ABRACL: variants seen among roughly 807,000 people sequenced by gnomAD.
ABRACL encodes the protein ABRA C-terminal like.
A neutral mutation model predicts 7.0 loss-of-function variants in ABRACL; 4 were observed. The observed-to-expected ratio is 0.57, with a 90% CI of 0.28 to 1.30. ABRACL has a LOEUF of 1.30. Ranked by LOEUF, ABRACL falls within the 50% of genes most tolerant of loss-of-function variation. The pLI is 0.10. For synonymous variants in ABRACL, 30 were observed against 36.0 expected, an observed-to-expected ratio of 0.83 and a Z score of 0.60; for missense variants, 104 against 97.3, an observed-to-expected ratio of 1.07 and a Z score of -0.29.
chr6:139,029,957 C>G (rs1280334716), intron 1 of ABRACL, among the ~76,000 whole-genome samples: 3 of 152,098 alleles, frequency 2.0e-5, no homozygotes, highest in African/African-American at 7.2e-5. Context: ...TGGTGAGTTT[C>G]GGGTTCTGCC....
chr6:139,037,747 G>A (rs1160360236), intron 2 of ABRACL, among the ~76,000 whole-genome samples: 1 of 150,804 alleles, frequency 6.6e-6, no homozygotes, highest in Non-Finnish European at 1.5e-5. Context: ...GTTACTCTTG[G>A]CAGCATTATT....
chr6:139,039,172 C>T (rs1271926357), intron 2 of ABRACL, among the ~76,000 whole-genome samples: 2 of 151,900 alleles, frequency 1.3e-5, no homozygotes, highest in Admixed American at 6.6e-5. Context: ...TTGCAGTGAG[C>T]CGAGACCACA....
At chr6:139,034,828 A>T (rs909346889) in intron 2 of ABRACL, among the ~76,000 whole-genome samples, 1 of 152,234 alleles carries the variant, frequency 6.6e-6, no homozygotes, top group Non-Finnish European at 1.5e-5. Flanking sequence ...CCTTGAAGAT[A>T]GTGACATGCA....
chr6:139,043,028 T>A lies in ABRACL; in HGVS notation c.*125T>A. 1.3e-6 allele frequency: 1 copy of A among 782,160 alleles called. No homozygotes were observed. Among genetic ancestry groups the A allele is most frequent in the Admixed American group, 3.2e-5 (1 of 31,264 alleles). 48.5% of individuals were successfully genotyped at this position (782,160 alleles called of 1,614,324 possible). Reference sequence around the variant, plus strand: ...TAGAACTTTGTAAACGAAAGGAGATTCATGTTTTAGAAGTCTGTCCTTTTT... The same window carrying A: ...TAGAACTTTGTAAACGAAAGGAGATACATGTTTTAGAAGTCTGTCCTTTTT... On this transcript the variant is annotated 3_prime_UTR_variant, in exon 3 of 3. Coordinates refer to ENST00000367660, the MANE Select transcript of ABRACL (RefSeq NM_021243.3).
In ABRACL at chr6:139,039,575, A is replaced by T. The variant is rs575450668; in HGVS notation, c.62-3144A>T. Among the ~76,000 whole-genome samples the T allele has an allele frequency of 2.8e-3, 420 of 152,346 alleles. 1 individual carries two copies. Among genetic ancestry groups the T allele is most frequent in the Non-Finnish European group, 3.5e-3 (237 of 68,034 alleles). ...TTGAATTCATTCCTGAAGAAAAAGAATTTAGCTAGGAAGAAGTTTCTGGGT... is the reference window on the plus strand; with the variant it reads ...TTGAATTCATTCCTGAAGAAAAAGATTTTAGCTAGGAAGAAGTTTCTGGGT... On this transcript the variant is annotated intron_variant, in intron 2 of 2. Coordinates refer to ENST00000367660, the MANE Select transcript of ABRACL (RefSeq NM_021243.3).
chr6:139,038,891 A>C (rs768010471), intron 2 of ABRACL, among the ~76,000 whole-genome samples: 1 of 152,206 alleles, frequency 6.6e-6, no homozygotes, highest in East Asian at 1.9e-4. Flanking sequence ...GTAAAACAAT[A>C]ATACTCTATT....
At chr6:139,037,777 CT>C (rs35731074) in intron 2 of ABRACL, among the ~76,000 whole-genome samples, 59,107 of 135,922 alleles carry the variant, frequency 0.43, 13,176 homozygotes, top group East Asian at 0.89. Flanking sequence ...TTCTTTTTCT[CT>C]TTTTTTTTTT....
At chr6:139,040,912 T>C (rs771833684) in intron 2 of ABRACL, among the ~76,000 whole-genome samples, 2 of 152,216 alleles carry the variant, frequency 1.3e-5, no homozygotes, top group African/African-American at 4.8e-5. Flanking sequence ...TGATACTCAG[T>C]GTGTGCTAGG....
intron 2 of ABRACL, among the ~76,000 whole-genome samples, chr6:139,040,909 C>T (rs916835793): frequency 1.3e-5 from 2 of 152,180 alleles, no homozygotes; most frequent in South Asian, 2.1e-4. Flanking sequence ...TGCTGATACT[C>T]AGTGTGTGCT....
intron 2 of ABRACL, among the ~76,000 whole-genome samples, chr6:139,041,135 A>C (rs75033259): frequency 0.012 from 1,821 of 152,340 alleles, 11 homozygotes; most frequent in Non-Finnish European, 0.019. Context: ...GAGGAAAAAG[A>C]AAAAAGCTCC....
At chr6:139,042,643 A>G in intron 2 of ABRACL, 76 bp from the exon 3 acceptor site, 1 of 1,381,216 alleles carries the variant, frequency 7.2e-7, no homozygotes, top group East Asian at 2.3e-5. Context: ...AATTTATTAA[A>G]GATTTTGTAA....
rs1786271893 is a variant in ABRACL at position 139,042,770 on chromosome 6, A to AATG, written c.114_116dup (p.Lys38_Cys39insTer). ...TTTGGGGTCCTCTTCCGTGATGATA[A>AATG]ATGTGCCAACCTCTTTGAAGCATTG... On this transcript the variant is annotated stop_gained and inframe_insertion, in exon 3 of 3. Transcript: ENST00000367660. LOFTEE classifies it high-confidence loss of function. 1 of 1,613,616 alleles carries AATG rather than the reference A, an allele frequency of 6.2e-7. No individual in the cohort carries two copies. Among genetic ancestry groups the AATG allele is most frequent in the Admixed American group, 1.7e-5 (1 of 59,890 alleles).
intron 2 of ABRACL, among the ~76,000 whole-genome samples, chr6:139,041,527 A>ATTTT (rs1250506796): frequency 3.3e-4 from 14 of 41,970 alleles, no homozygotes; most frequent in East Asian, 3.4e-3. Context: ...ATATATATAT[A>ATTTT]TATATTTTTT....
rs1235990639 is a variant in ABRACL, at chr6:139,042,930, C to T, written c.*27C>T. ...GTGGTTTACATATCTTTATGTACTG[C>T]CATTTTTTGTTTCTGGTAAACTGGA... On this transcript the variant is annotated 3_prime_UTR_variant, in exon 3 of 3. Transcript: ENST00000367660. The T allele has an allele frequency of 2.6e-6, 4 of 1,525,478 alleles. No homozygotes were observed. In the South Asian group the frequency reaches 3.8e-5, roughly 15 times the overall value. The allele number at this position is 1,525,478 out of a possible 1,614,324, so 94.5% of individuals were successfully genotyped here.
At chr6:139,034,442 G>T in intron 2 of ABRACL, 1 of 1,472,146 alleles carries the variant, frequency 6.8e-7, no homozygotes, top group South Asian at 1.4e-5. Context: ...GAATAGTTGA[G>T]ATATTTCATT....
chr6:139,036,513 G>A (rs957699630), intron 2 of ABRACL, among the ~76,000 whole-genome samples: 6 of 152,054 alleles, frequency 3.9e-5, no homozygotes, highest in Non-Finnish European at 7.4e-5. Context: ...TGATAAATGA[G>A]GCATATTAAA....
chr6:139,038,261 T>C (rs975794499), intron 2 of ABRACL, among the ~76,000 whole-genome samples: 1 of 152,248 alleles, frequency 6.6e-6, no homozygotes, highest in African/African-American at 2.4e-5. Context: ...GAAATTCCAC[T>C]TCAAAATTAG....
intron 2 of ABRACL, among the ~76,000 whole-genome samples, chr6:139,041,899 C>G (rs1329241934): frequency 1.3e-5 from 2 of 152,086 alleles, no homozygotes; most frequent in African/African-American, 4.8e-5. Context: ...GAAGTTCTAG[C>G]CAGGGAGCAT....
intron 2 of ABRACL, among the ~76,000 whole-genome samples, chr6:139,041,451 C>CTCTCTATATATATATATATATATA (rs140091253): frequency 9.1e-6 from 1 of 110,056 alleles, no homozygotes; most frequent in African/African-American, 3.6e-5. Flanking sequence ...CTCTCTCTCT[C>CTCTCTATATATATATATATATATA]TATATATATA....
Sources: allele counts gnomAD v4.1 joint callset (sites outside exome capture counted in the v4.1 genomes callset), GRCh38; gene constraint gnomAD v4.1.1; transcripts MANE v1.5; gene names NCBI Gene and HGNC (gene_info 2026-07-23, HGNC 2026-07-21).